Variants in CTNNA2 observed in about 807,000 individuals in gnomAD.
The protein encoded by CTNNA2 is catenin alpha 2.
A neutral mutation model predicts 101.0 loss-of-function variants in CTNNA2; 42 were observed. The observed-to-expected ratio is 0.42, with a 90% CI of 0.32 to 0.54. The LOEUF (loss-of-function observed/expected upper bound fraction) is 0.54. Ranked by LOEUF, CTNNA2 falls within the 20% of genes least tolerant of loss-of-function variation. The probability of loss-of-function intolerance (pLI) is 0.14; values close to 1 mark genes in which losing one functional copy is unlikely to be tolerated. For synonymous variants in CTNNA2, 450 were observed against 456.4 expected, an observed-to-expected ratio of 0.99 and a Z score of 0.18; for missense variants, 871 against 1,223.1, an observed-to-expected ratio of 0.71 and a Z score of 4.29.
At chr2:79,674,252 A>C (rs891305748) in intron 2 of CTNNA2, among the ~76,000 whole-genome samples, 10 of 152,192 alleles carry the variant, frequency 6.6e-5, no homozygotes, top group African/African-American at 2.4e-4. Context: ...AAGCTTCTTA[A>C]AGCAAGAAGA....
chr2:80,165,366 T>G (rs1171890818), intron 7 of CTNNA2, among the ~76,000 whole-genome samples: 1 of 152,102 alleles, frequency 6.6e-6, no homozygotes. Context: ...ATTAAGCTCA[T>G]CCACTGAAAT....
intron 2 of CTNNA2, among the ~76,000 whole-genome samples, chr2:79,229,024 A>G (rs1385678532): frequency 6.6e-6 from 1 of 152,044 alleles, no homozygotes; most frequent in Non-Finnish European, 1.5e-5. Flanking sequence ...TCCTTTTCCC[A>G]TTGCTTATTT....
intron 11 of CTNNA2, among the ~76,000 whole-genome samples, chr2:80,551,126 A>G (rs1692521313): frequency 1.3e-5 from 2 of 152,242 alleles, no homozygotes; most frequent in Admixed American, 1.3e-4. Flanking sequence ...TTGGGTGACC[A>G]GGTGCATTTT....
intron 3 of CTNNA2, among the ~76,000 whole-genome samples, chr2:79,776,104 G>T (rs1272078270): frequency 6.6e-6 from 1 of 152,122 alleles, no homozygotes; most frequent in Non-Finnish European, 1.5e-5. Flanking sequence ...AGACAGCAAA[G>T]ATATTCTGGC....
At chr2:79,377,443 A>G (rs911457655) in intron 4 of CTNNA2, among the ~76,000 whole-genome samples, 17 of 152,208 alleles carry the variant, frequency 1.1e-4, no homozygotes, top group Non-Finnish European at 2.1e-4. Context: ...AAAGCTGCTT[A>G]GCCCATAATT....
intron 9 of CTNNA2, among the ~76,000 whole-genome samples, chr2:80,540,031 C>G (rs374098267): frequency 7.2e-5 from 11 of 152,228 alleles, no homozygotes; most frequent in East Asian, 5.8e-4. Flanking sequence ...TTTCAAAATT[C>G]TATCAGATTT....
intron 7 of CTNNA2, among the ~76,000 whole-genome samples, chr2:80,228,185 G>T (rs1294564472): frequency 6.6e-6 from 1 of 152,198 alleles, no homozygotes; most frequent in Non-Finnish European, 1.5e-5. Flanking sequence ...CATTTGGGCT[G>T]CCATAATAAA....
Position 80,098,399 on chromosome 2 carries a change from G to T in CTNNA2, c.1056+188602G>T, listed in dbSNP as rs189130559. ...CTCAGAGGAGTACCCGGCCATGTGA[G>T]GTGTCAGTCCGCCCCCACGGGGGGG... On this transcript the variant is annotated intron_variant, in intron 7 of 18. Coordinates refer to ENST00000402739, the MANE Select transcript of CTNNA2 (RefSeq NM_001282597.3). 5.5e-3 allele frequency among the ~76,000 whole-genome samples: 841 copies of T among 152,294 alleles called. 11 individuals carry two copies. Among genetic ancestry groups the T allele is most frequent in the African/African-American group, 0.019 (804 of 41,570 alleles).
At chr2:79,338,597 T>A (rs543799054) in intron 3 of CTNNA2, among the ~76,000 whole-genome samples, 10 of 142,560 alleles carry the variant, frequency 7.0e-5, no homozygotes, top group African/African-American at 2.8e-4. Context: ...TTCTTCTTCT[T>A]CTTCTTCTTC....
intron 4 of CTNNA2, among the ~76,000 whole-genome samples, chr2:79,500,416 A>C (rs188134494): frequency 6.6e-6 from 1 of 152,336 alleles, no homozygotes; most frequent in Admixed American, 6.5e-5. Flanking sequence ...AACTCGAGTC[A>C]AACTTTTATA....
intron 2 of CTNNA2, among the ~76,000 whole-genome samples, chr2:79,204,914 C>T (rs975085436): frequency 2.0e-5 from 3 of 152,280 alleles, no homozygotes; most frequent in Non-Finnish European, 4.4e-5. Flanking sequence ...TTGCATCAGG[C>T]ACCGCCTGCC....
chr2:80,641,886 CAGTA>C (rs778554840), intron 18 of CTNNA2, among the ~76,000 whole-genome samples: 4 of 152,128 alleles, frequency 2.6e-5, no homozygotes, highest in South Asian at 2.1e-4. Flanking sequence ...TTTGTAAAAA[CAGTA>C]AGGAATATGA....
At chr2:79,684,903 A>T (rs1056350491) in intron 2 of CTNNA2, among the ~76,000 whole-genome samples, 1 of 152,028 alleles carries the variant, frequency 6.6e-6, no homozygotes, top group African/African-American at 2.4e-5. Flanking sequence ...GGCCTCTGTG[A>T]GCTCCGCCCT....
At chr2:79,776,910 G>A (rs1018488887) in intron 3 of CTNNA2, 4 of 152,294 alleles carry the variant, frequency 2.6e-5, no homozygotes, top group South Asian at 4.1e-4. Context: ...AGCATCTTCT[G>A]TGAGTAACCT....
At chr2:79,388,735 C>A (rs1678134554) in intron 4 of CTNNA2, among the ~76,000 whole-genome samples, 2 of 152,050 alleles carry the variant, frequency 1.3e-5, no homozygotes, top group African/African-American at 2.4e-5. Context: ...TACCAACTTA[C>A]CTTTGAGTCC....
chr2:80,078,121 C>A (rs1176069454), intron 7 of CTNNA2, among the ~76,000 whole-genome samples: 4 of 152,032 alleles, frequency 2.6e-5, no homozygotes, highest in Non-Finnish European at 5.9e-5. Flanking sequence ...GTCATTTTTT[C>A]AACCATTTAT....
At position 80,414,969 on chromosome 2, in the gene CTNNA2, G is replaced by A. The variant is rs113701497; in HGVS notation, c.1138-4480G>A. On this transcript the variant is annotated intron_variant, in intron 8 of 18. Transcript: ENST00000402739. ...AATAAGCTCCCAGGAAATGGCAGTG[G>A]TACTGGTCAGTGGCCCACACTTCTA... Among the ~76,000 whole-genome samples, 184 of 152,262 alleles carry A rather than the reference G, an allele frequency of 1.2e-3. 3 individuals carry two copies. The highest frequency in any genetic ancestry group is 4.3e-3 in the African/African-American group (180 of 41,570).
rs554783579 is a variant in CTNNA2 at position 80,384,424 on chromosome 2, G to GA, written c.1057-8775dup. Among the ~76,000 whole-genome samples the GA allele has an allele frequency of 4.3e-4, 54 of 126,762 alleles. 1 individual carries two copies. The highest frequency in any genetic ancestry group is 1.3e-3 in the South Asian group (5 of 3,928). The allele number at this position is 126,762 out of a possible 152,430, so 83.2% of individuals were successfully genotyped here. ...GTATCCCCGAACCTCAAAGTTAAAA[G>GA]AAAAAAAAAAAAGATTCAAAAACAA... is the stretch of plus-strand genomic sequence containing the variant. On this transcript the variant is annotated intron_variant, in intron 7 of 18. Coordinates refer to ENST00000402739, the MANE Select transcript of CTNNA2 (RefSeq NM_001282597.3).
intron 7 of CTNNA2, among the ~76,000 whole-genome samples, chr2:80,010,929 C>T (rs1004992822): frequency 1.3e-5 from 2 of 151,946 alleles, no homozygotes; most frequent in African/African-American, 4.8e-5. Flanking sequence ...TGAGGGTCTC[C>T]ATATATAGAT....
Sources: allele counts gnomAD v4.1 joint callset (sites outside exome capture counted in the v4.1 genomes callset), GRCh38; gene constraint gnomAD v4.1.1; transcripts MANE v1.5; gene names NCBI Gene and HGNC (gene_info 2026-07-23, HGNC 2026-07-21).